PODXL: variants seen among roughly 807,000 people sequenced by gnomAD.
PODXL encodes the protein podocalyxin.
A neutral mutation model predicts 48.9 loss-of-function variants in PODXL; 20 were observed. The observed-to-expected ratio is 0.41, with a 90% CI of 0.29 to 0.59. The LOEUF is 0.59. PODXL is among the 20% of genes least tolerant of loss of function. The pLI is 0.31. For synonymous variants in PODXL, 295 were observed against 287.4 expected, an observed-to-expected ratio of 1.03 and a Z score of -0.27; for missense variants, 606 against 675.1, an observed-to-expected ratio of 0.90 and a Z score of 1.13.
At chr7:131,517,806 T>C (rs558087480) in intron 1 of PODXL, among the ~76,000 whole-genome samples, 2 of 152,006 alleles carry the variant, frequency 1.3e-5, no homozygotes, top group South Asian at 4.1e-4. Flanking sequence ...TGGCGCAATC[T>C]CCACTCACTG....
chr7:131,541,075 G>A (rs142852411), intron 1 of PODXL, among the ~76,000 whole-genome samples: 5 of 152,314 alleles, frequency 3.3e-5, no homozygotes, highest in African/African-American at 9.6e-5. Context: ...TTGCTGCAGA[G>A]TAATTCACAG....
At chr7:131,539,201 A>G (rs542603289) in intron 1 of PODXL, among the ~76,000 whole-genome samples, 1 of 152,338 alleles carries the variant, frequency 6.6e-6, no homozygotes, top group East Asian at 1.9e-4. Context: ...CAGCCTCCAC[A>G]GAAAAAGTGA....
chr7:131,540,563 C>CT (rs986465238), intron 1 of PODXL, among the ~76,000 whole-genome samples: 7 of 152,182 alleles, frequency 4.6e-5, no homozygotes, highest in Admixed American at 4.6e-4. Flanking sequence ...CCAGGAGCAC[C>CT]TGCAACCTGT....
At chr7:131,505,159 C>G (rs1797777123) in intron 8 of PODXL, among the ~76,000 whole-genome samples, 1 of 152,132 alleles carries the variant, frequency 6.6e-6, no homozygotes, top group African/African-American at 2.4e-5. Flanking sequence ...CTGGGTGGCA[C>G]CATCATGGCG....
chr7:131,545,572 G>A (rs958021888), intron 1 of PODXL, among the ~76,000 whole-genome samples: 13 of 152,114 alleles, frequency 8.5e-5, no homozygotes, highest in African/African-American at 2.2e-4. Flanking sequence ...AAACACTCTC[G>A]TTCTACTAAA....
intron 1 of PODXL, among the ~76,000 whole-genome samples, chr7:131,544,350 C>T (rs1295913984): frequency 6.6e-6 from 1 of 152,244 alleles, no homozygotes; most frequent in East Asian, 1.9e-4. Flanking sequence ...CAGGACCAGA[C>T]TTCCAGATTC....
Position 131,516,864 on chromosome 7 carries a change from G to A in PODXL, c.101-5431C>T, listed in dbSNP as rs144091532. Among the ~76,000 whole-genome samples, 9 of 151,092 alleles carry A rather than the reference G, an allele frequency of 6.0e-5. No homozygotes were observed. The East Asian group carries it at 1.6e-3, about 26-fold the overall frequency. On this transcript the variant is annotated intron_variant, in intron 1 of 8. Coordinates refer to ENST00000378555, the MANE Select transcript of PODXL (RefSeq NM_001018111.3). ...TCTGCCTCAGCTTCCCAAGTAGCTG[G>A]GAGCACAGGTGTGCACTACGACACC...
chr7:131,527,390 CAG>C (rs1405727922), intron 1 of PODXL, among the ~76,000 whole-genome samples: 1 of 152,158 alleles, frequency 6.6e-6, no homozygotes, highest in Non-Finnish European at 1.5e-5. Context: ...TTTAGGGAAA[CAG>C]AAGATGTTAC....
chr7:131,500,939 T>G lies in PODXL; in HGVS notation c.*3372A>C. 1 of 152,168 alleles carries G rather than the reference T, an allele frequency of 6.6e-6. No homozygotes were observed. Among genetic ancestry groups the G allele is most frequent in the East Asian group, 1.9e-4 (1 of 5,188 alleles). The allele number at this position is 152,168 out of a possible 1,614,324, so 9.4% of individuals were successfully genotyped here. A position where few individuals can be genotyped will look rare whatever the true frequency, so the allele number is the denominator to read the frequency against. Reference sequence around the variant, plus strand: ...TTTTGAGGAAGTCACTTCATCTTTGTGAGCTTCAGATTATCTTTTTCTCTA... The same window carrying G: ...TTTTGAGGAAGTCACTTCATCTTTGGGAGCTTCAGATTATCTTTTTCTCTA... On this transcript the variant is annotated 3_prime_UTR_variant, in exon 9 of 9. Coordinates refer to ENST00000378555, the MANE Select transcript of PODXL (RefSeq NM_001018111.3).
intron 1 of PODXL, among the ~76,000 whole-genome samples, chr7:131,547,060 G>C (rs1798590107): frequency 6.6e-6 from 1 of 152,148 alleles, no homozygotes; most frequent in African/African-American, 2.4e-5. Flanking sequence ...ACTGGGCTAG[G>C]GCTGACGCCA....
intron 7 of PODXL, 34 bp downstream of exon 7, chr7:131,506,226 G>GCCA (rs762183638): frequency 6.2e-7 from 1 of 1,609,808 alleles, no homozygotes; most frequent in Non-Finnish European, 8.5e-7. Flanking sequence ...GGGCTTCGGA[G>GCCA]CCACTCTGTC....
chr7:131,522,928 G>A (rs1012583794), intron 1 of PODXL, among the ~76,000 whole-genome samples: 4 of 152,060 alleles, frequency 2.6e-5, no homozygotes, highest in Admixed American at 2.0e-4. Flanking sequence ...TCCATTAATC[G>A]GCTGATGAAC....
intron 1 of PODXL, among the ~76,000 whole-genome samples, chr7:131,539,976 C>T (rs762383556): frequency 2.0e-5 from 3 of 152,226 alleles, no homozygotes; most frequent in Admixed American, 6.5e-5. Flanking sequence ...CTCTGCGCCA[C>T]GTTCTTCCTG....
intron 1 of PODXL, among the ~76,000 whole-genome samples, chr7:131,512,388 CG>C (rs1797928303): frequency 6.6e-6 from 1 of 151,962 alleles, no homozygotes; most frequent in Non-Finnish European, 1.5e-5. Context: ...CAGAGACGAG[CG>C]GGGAGGGACC....
rs1797698710 is a variant in PODXL, at chr7:131,501,253, CTT to C, written c.*3056_*3057del. On this transcript the variant is annotated 3_prime_UTR_variant, in exon 9 of 9. Coordinates refer to ENST00000378555, the MANE Select transcript of PODXL (RefSeq NM_001018111.3). The stretch of plus-strand genomic sequence containing the variant: ...TTTACATTCCTGTCCAGAGAAAAAA[CTT>C]GGCCATCACTCAGCTAACATAATGC... 6.6e-6 allele frequency: 1 copy of C among 152,160 alleles called. No homozygotes were observed. Among genetic ancestry groups the C allele is most frequent in the Non-Finnish European group, 1.5e-5 (1 of 67,994 alleles). 9.4% of individuals were successfully genotyped at this position (152,160 alleles called of 1,614,324 possible). A position where few individuals can be genotyped will look rare whatever the true frequency, so the allele number is the denominator to read the frequency against.
chr7:131,539,933 G>A (rs1384484864), intron 1 of PODXL, among the ~76,000 whole-genome samples: 1 of 152,094 alleles, frequency 6.6e-6, no homozygotes, highest in Non-Finnish European at 1.5e-5. Flanking sequence ...CTTAATACTG[G>A]GCAAATACTG....
intron 1 of PODXL, among the ~76,000 whole-genome samples, chr7:131,532,646 G>T (rs965395574): frequency 1.3e-5 from 2 of 152,066 alleles, no homozygotes; most frequent in African/African-American, 4.8e-5. Flanking sequence ...AAGTGGGGTG[G>T]CTTGACTTCC....
At chr7:131,550,803 A>G (rs1051128048) in intron 1 of PODXL, among the ~76,000 whole-genome samples, 2 of 151,874 alleles carry the variant, frequency 1.3e-5, no homozygotes, top group African/African-American at 2.4e-5. Context: ...ACACACACGC[A>G]CACACACGTG....
At position 131,503,879 on chromosome 7, in the gene PODXL, C is replaced by T. The variant is rs960429319; in HGVS notation, c.*432G>A. ...CACCCCTGCCCGGGACTGCTCTGGA[C>T]GGAAGGCACATGTGAACACAGCAGT... is the stretch of plus-strand genomic sequence containing the variant. On this transcript the variant is annotated 3_prime_UTR_variant, in exon 9 of 9. Transcript: ENST00000378555. 23 of 184,228 alleles carry T rather than the reference C, an allele frequency of 1.2e-4. No individual in the cohort carries two copies. Among genetic ancestry groups the T allele is most frequent in the Admixed American group, 1.7e-4 (3 of 17,478 alleles). 11.4% of individuals were successfully genotyped at this position (184,228 alleles called of 1,614,324 possible).
Sources: allele counts gnomAD v4.1 joint callset (sites outside exome capture counted in the v4.1 genomes callset), GRCh38; gene constraint gnomAD v4.1.1; transcripts MANE v1.5; gene names NCBI Gene and HGNC (gene_info 2026-07-23, HGNC 2026-07-21).